POR: variants seen among roughly 807,000 people sequenced by gnomAD.
POR encodes the protein NADPH--cytochrome P450 reductase.
Under a neutral mutation model 84.0 loss-of-function variants are expected in POR, and 56 were observed. That is an observed-to-expected ratio of 0.67 (90% confidence interval 0.54 to 0.83). The LOEUF is 0.83. Ranked by LOEUF, POR falls within the 40% of genes least tolerant of loss-of-function variation. POR has a pLI of 0.00. For synonymous variants in POR, 414 were observed against 400.5 expected, an observed-to-expected ratio of 1.03 and a Z score of -0.40; for missense variants, 938 against 944.3, an observed-to-expected ratio of 0.99 and a Z score of 0.09.
At chr7:75,939,442 T>C (rs2077302) in intron 1 of POR, among the ~76,000 whole-genome samples, 11,904 of 151,856 alleles carry the variant, frequency 0.078, 1,457 homozygotes, top group African/African-American at 0.26. Context: ...AGTACATCTC[T>C]AGCACATCTG....
At chr7:75,949,581 G>A (rs1342682906) in intron 1 of POR, among the ~76,000 whole-genome samples, 1 of 151,774 alleles carries the variant, frequency 6.6e-6, no homozygotes, top group Non-Finnish European at 1.5e-5. Context: ...GTGCAGTGGT[G>A]TGATCTCAGC....
Position 75,980,490 on chromosome 7 carries a change from TGA to T in POR, c.516+4_516+5del, listed in dbSNP as rs1554557579. 1.2e-6 allele frequency: 2 copies of T among 1,612,706 alleles called. No homozygotes were observed. The highest frequency in any genetic ancestry group is 1.7e-5 in the Admixed American group (1 of 60,002). ...GATCTCTCTGGGGTCAAGTTCGCGG[TGA>T]GTCACCCAGAGACTGCTATGGGCTC... On this transcript the variant is annotated splice_donor_region_variant and intron_variant, in intron 5 of 15. Transcript: ENST00000461988.
At position 75,954,053 on chromosome 7, in the gene POR, G is replaced by T. The variant is rs1210260354; in HGVS notation, c.61G>T (p.Glu21Ter). The T allele has an allele frequency of 6.2e-7, 1 of 1,611,114 alleles. No individual in the cohort carries two copies. The highest frequency in any genetic ancestry group is 1.3e-5 in the African/African-American group (1 of 74,886). The change falls in exon 2 of 16, where the codon GAA becomes TAA. Residue 21 changes from glutamate to a stop codon, truncating the protein, a stop_gained. Coordinates refer to ENST00000461988, the MANE Select transcript of POR (RefSeq NM_000941.3). LOFTEE classifies it high-confidence loss of function. ...CTCCACCGTGTCCGAGGCGGTGGCC[G>T]AAGAAGTATCTCTTTTCAGCATGAC...
intron 9 of POR, 30 bp downstream of exon 9, chr7:75,983,666 CCTCA>C (rs1563432871): frequency 6.2e-7 from 1 of 1,608,838 alleles, no homozygotes; most frequent in East Asian, 2.2e-5. Context: ...CCCCCTGAAC[CCTCA>C]CTCTGGGCCT....
rs1789339345 is a variant in POR at position 75,985,048 on chromosome 7, T to C, written c.1249-10T>C. The C allele has an allele frequency of 6.3e-7, 1 of 1,590,432 alleles. No homozygotes were observed. On this transcript the variant is annotated splice_polypyrimidine_tract_variant and intron_variant, in intron 11 of 15. Transcript: ENST00000461988. ...CCCAATCAGCCCCATCTCACCCCCG[T>C]GTCTCTTAGGAGCTGTACCTGAGCT... is the stretch of plus-strand genomic sequence containing the variant.
chr7:75,951,410 A>G (rs1217413673), intron 1 of POR, among the ~76,000 whole-genome samples: 1 of 152,154 alleles, frequency 6.6e-6, no homozygotes, highest in Non-Finnish European at 1.5e-5. Flanking sequence ...ATAAAATAAA[A>G]AAGAAAGAAA....
chr7:75,938,385 A>G (rs1043642745), intron 1 of POR, among the ~76,000 whole-genome samples: 1 of 152,136 alleles, frequency 6.6e-6, no homozygotes, highest in Non-Finnish European at 1.5e-5. Flanking sequence ...CCCTGTCCTC[A>G]CCAGCTTCCC....
intron 1 of POR, among the ~76,000 whole-genome samples, chr7:75,933,389 T>G (rs1402506947): frequency 3.0e-4 from 27 of 90,912 alleles, no homozygotes; most frequent in African/African-American, 7.7e-4. Flanking sequence ...TTTTTTTTTT[T>G]TTTTTTTTTT....
chr7:75,959,784 T>G (rs1489973920), intron 2 of POR, among the ~76,000 whole-genome samples: 1 of 152,050 alleles, frequency 6.6e-6, no homozygotes, highest in Non-Finnish European at 1.5e-5. Context: ...AAAAACCCAG[T>G]GGGATTTTTG....
chr7:75,971,622 A>T (rs1554556159), intron 2 of POR, among the ~76,000 whole-genome samples: 3 of 152,076 alleles, frequency 2.0e-5, no homozygotes, highest in African/African-American at 7.2e-5. Flanking sequence ...GGATGGACCA[A>T]GGTGAGGGCT....
At chr7:75,981,316 C>A in intron 6 of POR, 144 bp downstream of exon 6, 2 of 1,330,428 alleles carry the variant, frequency 1.5e-6, no homozygotes, top group Non-Finnish European at 2.0e-6. Context: ...CCTGCCTCTG[C>A]CCTGCCCCTG....
At chr7:75,941,026 C>T (rs531099563) in intron 1 of POR, among the ~76,000 whole-genome samples, 9 of 152,118 alleles carry the variant, frequency 5.9e-5, no homozygotes, top group Non-Finnish European at 8.8e-5. Context: ...AAAATTAGCT[C>T]GGTGAGGTGG....
At chr7:75,933,097 A>C (rs1807497098) in intron 1 of POR, among the ~76,000 whole-genome samples, 1 of 151,506 alleles carries the variant, frequency 6.6e-6, no homozygotes, top group Non-Finnish European at 1.5e-5. Flanking sequence ...ACCAAATAAG[A>C]GTTTGGATTA....
chr7:75,964,453 GCC>G, intron 2 of POR, among the ~76,000 whole-genome samples: 1 of 152,052 alleles, frequency 6.6e-6, no homozygotes, highest in African/African-American at 2.4e-5. Context: ...GATTACAGGC[GCC>G]TGCCACCACA....
chr7:75,981,792 C>T lies in POR; in HGVS notation c.731+186C>T, dbSNP rs189045492. 269 of 601,532 alleles carry T rather than the reference C, an allele frequency of 4.5e-4. 1 individual carries two copies. Among genetic ancestry groups the T allele is most frequent in the Non-Finnish European group, 3.8e-5 (13 of 342,962 alleles). 37.3% of individuals were successfully genotyped at this position (601,532 alleles called of 1,614,324 possible). Reference sequence around the variant, plus strand: ...CACGTTGCTCTGCACTGCCCTGGGGCAGCGGGGTGCATCCCACCTCTCGAC... The same window carrying T: ...CACGTTGCTCTGCACTGCCCTGGGGTAGCGGGGTGCATCCCACCTCTCGAC... On this transcript the variant is annotated intron_variant, in intron 7 of 15. Transcript: ENST00000461988.
chr7:75,935,443 C>A (rs533258944), intron 1 of POR, among the ~76,000 whole-genome samples: 1 of 152,110 alleles, frequency 6.6e-6, no homozygotes, highest in South Asian at 2.1e-4. Context: ...GACAGGGTTT[C>A]ATCATGTTGG....
Position 75,981,558 on chromosome 7 carries a change from C to T in POR, c.683C>T (p.Pro228Leu), listed in dbSNP as rs17853284. The T allele has an allele frequency of 3.5e-3, 5,650 of 1,613,044 alleles. 13 individuals carry two copies. The highest frequency in any genetic ancestry group is 4.4e-3 in the Non-Finnish European group (5,146 of 1,179,690). The change falls in exon 7 of 16, where the codon CCG becomes CTG. Residue 228 changes from proline (P) to leucine (L), a missense_variant. By Grantham distance (98) the Pro-to-Leu change is moderately conservative. Coordinates refer to ENST00000461988, the MANE Select transcript of POR (RefSeq NM_000941.3). ...ATCACCTGGCGAGAGCAGTTCTGGC[C>T]GGCCGTGTGTGAACACTTTGGGGTG... is the stretch of plus-strand genomic sequence containing the variant.
intron 1 of POR, among the ~76,000 whole-genome samples, chr7:75,926,983 C>T (rs1400038059): frequency 6.6e-6 from 1 of 152,036 alleles, no homozygotes; most frequent in Non-Finnish European, 1.5e-5. Context: ...GCAAAATGAA[C>T]CCCAGGTCAT....
intron 1 of POR, chr7:75,921,364 TG>T (rs1806855024): frequency 6.6e-6 from 1 of 151,448 alleles, no homozygotes; most frequent in Non-Finnish European, 1.5e-5. Context: ...CAGGTTCAAG[TG>T]ATTCTCCTGC....
Sources: allele counts gnomAD v4.1 joint callset (sites outside exome capture counted in the v4.1 genomes callset), GRCh38; gene constraint gnomAD v4.1.1; transcripts MANE v1.5; gene names NCBI Gene and HGNC (gene_info 2026-07-23, HGNC 2026-07-21).